The following WASF3 variants were observed in gnomAD, a reference collection of about 807,000 sequenced individuals.
The protein encoded by WASF3 is WASP family member 3.
Under a neutral mutation model 46.6 loss-of-function variants are expected in WASF3, and 11 were observed. That is an observed-to-expected ratio of 0.24 (90% CI 0.15 to 0.39). The LOEUF (loss-of-function observed/expected upper bound fraction) is 0.39. Among genes scored for constraint, WASF3 ranks in the 10% least tolerant of loss-of-function variants. The pLI is 1.00. For synonymous variants in WASF3, 242 were observed against 259.7 expected (o/e 0.93, Z 0.65); for missense variants, 576 against 669.8 (o/e 0.86, Z 1.55).
intron 1 of WASF3, among the ~76,000 whole-genome samples, chr13:26,583,182 G>A (rs2137171761): frequency 6.6e-6 from 1 of 152,296 alleles, no homozygotes; most frequent in Non-Finnish European, 1.5e-5. Context: ...AGTGTCTTTA[G>A]TTATGTGATC....
rs545104631 is a variant in WASF3 at position 26,667,430 on chromosome 13, T to TTA, written c.269-86_269-85insAT. ...TATTATTTGGTTGTTCTAGGAGGTG[T>TTA]TTTTAATTGTGAGTCAAATGGTATT... On this transcript the variant is annotated intron_variant, in intron 4 of 9. Coordinates refer to ENST00000335327, the MANE Select transcript of WASF3 (RefSeq NM_006646.6). 300 of 1,246,424 alleles carry TTA rather than the reference T, an allele frequency of 2.4e-4. 3 individuals are homozygous for TTA. The South Asian group carries it at 5.1e-3, about 21-fold the overall frequency. 77.2% of individuals were successfully genotyped at this position (1,246,424 alleles called of 1,614,324 possible).
intron 1 of WASF3, among the ~76,000 whole-genome samples, chr13:26,598,902 G>A (rs1428210111): frequency 2.0e-5 from 3 of 152,162 alleles, no homozygotes; most frequent in Non-Finnish European, 2.9e-5. Flanking sequence ...ACGGAGTCTC[G>A]CTCTGTTGCC....
intron 2 of WASF3, among the ~76,000 whole-genome samples, chr13:26,614,486 T>G (rs190196028): frequency 6.6e-6 from 1 of 152,212 alleles, no homozygotes; most frequent in Non-Finnish European, 1.5e-5. Flanking sequence ...TCAAAATATA[T>G]GCGATGCACC....
chr13:26,576,348 A>G (rs1285148180), intron 1 of WASF3, among the ~76,000 whole-genome samples: 3 of 146,478 alleles, frequency 2.0e-5, no homozygotes, highest in Non-Finnish European at 3.0e-5. Context: ...TTCCTTTTCT[A>G]TTTTTACTCT....
chr13:26,560,750 G>T (rs1022346953), intron 1 of WASF3, among the ~76,000 whole-genome samples: 1 of 152,192 alleles, frequency 6.6e-6, no homozygotes, highest in Admixed American at 6.5e-5. Flanking sequence ...TTTAATATGT[G>T]CCGGGGATAC....
At chr13:26,558,579 C>T (rs958978118) in intron 1 of WASF3, among the ~76,000 whole-genome samples, 4 of 152,136 alleles carry the variant, frequency 2.6e-5, no homozygotes, top group Admixed American at 2.0e-4. Flanking sequence ...TGCTGACGTG[C>T]AATGGCGATT....
In WASF3 at chr13:26,681,070, G is replaced by T; in HGVS notation, c.733G>T (p.Val245Phe). 6.2e-7 allele frequency: 1 copy of T among 1,612,834 alleles called. No individual in the cohort carries two copies. The highest frequency in any genetic ancestry group is 1.1e-5 in the South Asian group (1 of 90,960). Residue 245 changes from valine to phenylalanine, a missense_variant, in exon 8 of 10, where the codon GTT becomes TTT. Around this residue, in one of 3 missense-constraint regions of WASF3, gnomAD observed 295 missense variants for 291.5 expected, o/e 1.01. Coordinates refer to ENST00000335327, the MANE Select transcript of WASF3 (RefSeq NM_006646.6). The part of the protein sequence containing the change: ...SPDTRSHASD[V>F]TDYSYPATPN... ...AAATGCCAGGTCACATGCATCGGAC[G>T]TTACGGATTACTCTTACCCGGCTAC...
intron 2 of WASF3, among the ~76,000 whole-genome samples, chr13:26,640,144 T>C (rs982681234): frequency 6.6e-5 from 10 of 152,064 alleles, no homozygotes; most frequent in Non-Finnish European, 1.3e-4. Context: ...CTTGGGAGGA[T>C]GGCACCAAGC....
chr13:26,611,755 G>C (rs1227645059), intron 1 of WASF3, among the ~76,000 whole-genome samples: 1 of 152,220 alleles, frequency 6.6e-6, no homozygotes, highest in African/African-American at 2.4e-5. Context: ...TCTGAAGGAA[G>C]AGAAGAAAAT....
intron 3 of WASF3, among the ~76,000 whole-genome samples, chr13:26,647,656 C>T: frequency 6.6e-6 from 1 of 151,248 alleles, no homozygotes; most frequent in East Asian, 1.9e-4. Flanking sequence ...GGTTTTGCTA[C>T]TTTTTTTTTC....
Position 26,687,716 on chromosome 13 carries a change from T to C in WASF3, c.*1871T>C, listed in dbSNP as rs1883451472. ...AACTTCTAAATTTCTAATTTCTCTCTCTCTCTCTTTTTTTTTTTTTTGTTG... is the reference window on the plus strand; with the variant it reads ...AACTTCTAAATTTCTAATTTCTCTCCCTCTCTCTTTTTTTTTTTTTTGTTG... On this transcript the variant is annotated 3_prime_UTR_variant, in exon 10 of 10. Coordinates refer to ENST00000335327, the MANE Select transcript of WASF3 (RefSeq NM_006646.6). The C allele has an allele frequency of 1.9e-5, 1 of 54,044 alleles. No individual in the cohort carries two copies. The highest frequency in any genetic ancestry group is 5.6e-5 in the Non-Finnish European group (1 of 17,902). The allele number at this position is 54,044 out of a possible 1,614,324, so 3.3% of individuals were successfully genotyped here. A position where few individuals can be genotyped will look rare whatever the true frequency, so the allele number is the denominator to read the frequency against.
At chr13:26,623,879 C>T (rs988667928) in intron 2 of WASF3, among the ~76,000 whole-genome samples, 4 of 152,204 alleles carry the variant, frequency 2.6e-5, no homozygotes, top group African/African-American at 9.6e-5. Context: ...ACACTAGGCA[C>T]AAGACAGCAG....
At chr13:26,669,092 A>G (rs1882852991) in intron 5 of WASF3, among the ~76,000 whole-genome samples, 1 of 151,420 alleles carries the variant, frequency 6.6e-6, no homozygotes, top group African/African-American at 2.4e-5. Context: ...ATGATAAAAT[A>G]TTTGTAGTGA....
chr13:26,562,081 C>G (rs1464987558), intron 1 of WASF3, among the ~76,000 whole-genome samples: 1 of 152,176 alleles, frequency 6.6e-6, no homozygotes, highest in African/African-American at 2.4e-5. Flanking sequence ...TGGCCTGAGA[C>G]TCCAAGGGTG....
chr13:26,650,558 A>G lies in WASF3; in HGVS notation c.133+8155A>G, dbSNP rs140435212. The stretch of plus-strand genomic sequence containing the variant: ...AATATGCTGAGGGATCTAATGGAAA[A>G]GTAGATAACATGCAGGGACTGATAG... On this transcript the variant is annotated intron_variant, in intron 3 of 9. Coordinates refer to ENST00000335327, the MANE Select transcript of WASF3 (RefSeq NM_006646.6). Among the ~76,000 whole-genome samples the G allele has an allele frequency of 8.4e-3, 1,281 of 152,356 alleles. 10 individuals carry two copies. The highest frequency in any genetic ancestry group is 0.017 in the Middle Eastern group (5 of 292).
At chr13:26,597,914 C>T (rs1408305741) in intron 1 of WASF3, among the ~76,000 whole-genome samples, 7 of 152,038 alleles carry the variant, frequency 4.6e-5, no homozygotes, top group African/African-American at 7.2e-5. Flanking sequence ...TGAATAGTGC[C>T]GCAATAAACA....
chr13:26,635,677 T>C (rs893755861), intron 2 of WASF3, among the ~76,000 whole-genome samples: 1 of 152,228 alleles, frequency 6.6e-6, no homozygotes, highest in Non-Finnish European at 1.5e-5. Flanking sequence ...GGTTTTCATG[T>C]GGATGTCTTT....
rs902671848 is a variant in WASF3, at chr13:26,687,840, C to G, written c.*1995C>G. 6.6e-6 allele frequency: 1 copy of G among 151,746 alleles called. No individual in the cohort carries two copies. Among genetic ancestry groups the G allele is most frequent in the African/African-American group, 2.4e-5 (1 of 41,236 alleles). 9.4% of individuals were successfully genotyped at this position (151,746 alleles called of 1,614,324 possible). A position where few individuals can be genotyped will look rare whatever the true frequency, so the allele number is the denominator to read the frequency against. Reference sequence around the variant, plus strand: ...TTGTTGCTTTTGTATTAGGAGTTCCCCGTGTGGGTCTAGAACTCCCCTTTG... The same window carrying G: ...TTGTTGCTTTTGTATTAGGAGTTCCGCGTGTGGGTCTAGAACTCCCCTTTG... On this transcript the variant is annotated 3_prime_UTR_variant, in exon 10 of 10. Coordinates refer to ENST00000335327, the MANE Select transcript of WASF3 (RefSeq NM_006646.6).
chr13:26,656,349 C>G (rs1882465022), intron 3 of WASF3, among the ~76,000 whole-genome samples: 1 of 152,130 alleles, frequency 6.6e-6, no homozygotes, highest in South Asian at 2.1e-4. Context: ...TACCTAAACT[C>G]TCTTTACTTA....
Sources: allele counts gnomAD v4.1 joint callset (sites outside exome capture counted in the v4.1 genomes callset), GRCh38; gene constraint gnomAD v4.1.1; regional missense constraint gnomAD v4.1.1; transcripts MANE v1.5; gene names NCBI Gene and HGNC (gene_info 2026-07-23, HGNC 2026-07-21).